The following ZFYVE19 variants were observed in gnomAD, a reference collection of about 807,000 sequenced individuals.
ZFYVE19 encodes the protein abscission/NoCut checkpoint regulator.
ZFYVE19 carries 49 observed loss-of-function variants against 62.8 expected under a neutral mutation model. The ratio of observed to expected loss-of-function variants is 0.78; its 90% CI spans 0.62 to 0.99. The LOEUF is 0.99. Among genes scored for constraint, ZFYVE19 ranks in the 50% least tolerant of loss-of-function variants. ZFYVE19 has a pLI of 0.00. For missense variants in ZFYVE19, 630 were observed against 601.9 expected (o/e 1.05, Z -0.49); for synonymous variants, 242 against 234.3 (o/e 1.03, Z -0.30).
chr15:40,809,724 A>G, intron 3 of ZFYVE19, 128 bp from the exon 4 acceptor site: 2 of 1,055,764 alleles, frequency 1.9e-6, no homozygotes, highest in East Asian at 2.4e-5. Context: ...TGAGGGGCAC[A>G]GCAGATTGCC....
rs369912058 is a variant in ZFYVE19 at position 40,807,509 on chromosome 15, G to A, written c.-81G>A. On this transcript the variant is annotated 5_prime_UTR_variant, in exon 1 of 11. Coordinates refer to ENST00000355341, the MANE Select transcript of ZFYVE19 (RefSeq NM_001077268.2). Reference sequence around the variant, plus strand: ...AGTCTAAGCGCGCGTGAGGACTGCAGGCTCCGAGCGGCGCCTAGCCCTCTG... The same window carrying A: ...AGTCTAAGCGCGCGTGAGGACTGCAAGCTCCGAGCGGCGCCTAGCCCTCTG... 1.5e-4 allele frequency: 249 copies of A among 1,608,702 alleles called. No homozygotes were observed. The highest frequency in any genetic ancestry group is 2.0e-4 in the Non-Finnish European group (235 of 1,176,224).
At position 40,808,316 on chromosome 15, in the gene ZFYVE19, A is replaced by G. The variant is rs1482730982; in HGVS notation, c.279+448A>G. ...CACTTCCTCCTGCTTCCGGGGCACC[A>G]TGGTGAAGGCTGACTGTCCTGTCCC... On this transcript the variant is annotated intron_variant, in intron 1 of 10. Coordinates refer to ENST00000355341, the MANE Select transcript of ZFYVE19 (RefSeq NM_001077268.2). 6 of 1,597,812 alleles carry G rather than the reference A, an allele frequency of 3.8e-6. No individual in the cohort carries two copies. The African/African-American group carries it at 4.0e-5, about 11-fold the overall frequency.
Position 40,813,963 on chromosome 15 carries a change from G to A in ZFYVE19, c.1230G>A (p.Arg410=), listed in dbSNP as rs753589900. The change falls in exon 10 of 11, where the codon AGG becomes AGA. Residue 410 remains arginine, a synonymous_variant. Coordinates refer to ENST00000355341, the MANE Select transcript of ZFYVE19 (RefSeq NM_001077268.2). The stretch of plus-strand genomic sequence containing the variant: ...TGAAGGCCCAGGATGTGGACCCCAG[G>A]CCTGAGGCTGAGGAAGAGGAGCTCC... The part of the protein sequence containing the change: ...AEPEAQDVDP[R]PEAEEEELPW... 13 of 1,611,848 alleles carry A rather than the reference G, an allele frequency of 8.1e-6. No individual in the cohort carries two copies. The highest frequency in any genetic ancestry group is 1.3e-5 in the African/African-American group (1 of 74,910).
At position 40,807,787 on chromosome 15, in the gene ZFYVE19, T is replaced by C; in HGVS notation, c.198T>C (p.Ser66=). Residue 66 remains serine, a synonymous_variant, in exon 1 of 11, where the codon TCT becomes TCC. Transcript: ENST00000355341. ...GACTTGGCCGGCGTGATCTCAGCTC[T>C]GCAGACCCTGCGGTGCTGGGAGCCA... ...GPGLGRRDLS[S]ADPAVLGATM... 6.4e-7 allele frequency: 1 copy of C among 1,571,446 alleles called. No individual in the cohort carries two copies. Among genetic ancestry groups the C allele is most frequent in the South Asian group, 1.2e-5 (1 of 86,434 alleles).
chr15:40,809,059 C>G, intron 1 of ZFYVE19, 60 bp from the exon 2 acceptor site: 1 of 1,600,524 alleles, frequency 6.2e-7, no homozygotes, highest in African/African-American at 1.3e-5. Flanking sequence ...TTGGAGAGTC[C>G]CTGGGAGCAG....
intron 3 of ZFYVE19, 25 bp downstream of exon 3, chr15:40,809,483 A>G (rs1252969303): frequency 1.2e-6 from 2 of 1,613,412 alleles, no homozygotes; most frequent in Non-Finnish European, 1.7e-6. Flanking sequence ...GAAAAAGACA[A>G]AGAGCATTGG....
chr15:40,809,863 C>T lies in ZFYVE19; in HGVS notation c.464C>T (p.Ala155Val). Residue 155 changes from alanine to valine, a missense_variant, in exon 4 of 11, where the codon GCC becomes GTC. Physicochemically the swap from Ala to Val is moderately conservative, Grantham distance 64 (BLOSUM62 0). Transcript: ENST00000355341. The stretch of plus-strand genomic sequence containing the variant: ...TCATATCCTGCCAGGCGTGTGGCAG[C>T]CTTGGAAGCCAAGCAAAAGCCCAGC... ...PPQNYKKRVA[A>V]LEAKQKPSTS... 2 of 1,614,194 alleles carry T rather than the reference C, an allele frequency of 1.2e-6. No individual in the cohort carries two copies. The highest frequency in any genetic ancestry group is 1.7e-6 in the Non-Finnish European group (2 of 1,180,034).
At position 40,807,327 on chromosome 15, in the gene ZFYVE19, G is replaced by T; in HGVS notation, c.-263G>T. 4 of 1,614,216 alleles carry T rather than the reference G, an allele frequency of 2.5e-6. No homozygotes were observed. The highest frequency in any genetic ancestry group is 1.1e-5 in the South Asian group (1 of 91,084). The stretch of plus-strand genomic sequence containing the variant: ...CCGAGGCGCTAGGACAGGAAGGACC[G>T]CCAGACCTCTCAAGATCAGCCTTCC... On this transcript the variant is annotated 5_prime_UTR_variant, in exon 1 of 11. Coordinates refer to ENST00000355341, the MANE Select transcript of ZFYVE19 (RefSeq NM_001077268.2).
rs557912109 is a variant in ZFYVE19, at chr15:40,813,375, C to T, written c.1068C>T (p.Asp356=). 33 of 1,612,352 alleles carry T rather than the reference C, an allele frequency of 2.0e-5. 1 individual carries two copies. Among genetic ancestry groups the T allele is most frequent in the African/African-American group, 1.3e-4 (10 of 75,000 alleles). ...LQDYRLPDSD[D]DEDEETAIQR... The stretch of plus-strand genomic sequence containing the variant: ...ACTATCGCCTCCCAGACAGTGATGA[C>T]GACGAGGATGAGGAGACAGCCATCC... Residue 356 remains aspartate, a synonymous_variant, in exon 8 of 11, where the codon GAC becomes GAT. Coordinates refer to ENST00000355341, the MANE Select transcript of ZFYVE19 (RefSeq NM_001077268.2).
rs117286655 is a variant in ZFYVE19 at position 40,814,525 on chromosome 15, C to G, written c.*299C>G. 961 of 471,304 alleles carry G rather than the reference C, an allele frequency of 2.0e-3. 13 individuals carry two copies. The East Asian group carries it at 0.029, about 14-fold the overall frequency. The allele number at this position is 471,304 out of a possible 1,614,324, so 29.2% of individuals were successfully genotyped here. On this transcript the variant is annotated 3_prime_UTR_variant, in exon 11 of 11. Transcript: ENST00000355341. Reference sequence around the variant, plus strand: ...ACCTGGCTCTAGGGCACAGGCCCCTCCCCTGGCACTTAGTGGGTCTAATAA... The same window carrying G: ...ACCTGGCTCTAGGGCACAGGCCCCTGCCCTGGCACTTAGTGGGTCTAATAA...
chr15:40,811,664 T>C (rs2412567), intron 6 of ZFYVE19, among the ~76,000 whole-genome samples: 56,576 of 152,002 alleles, frequency 0.37, 10,762 homozygotes, highest in South Asian at 0.46. Flanking sequence ...TAGCTTGAGC[T>C]GGGGAATTTA....
chr15:40,807,756 G>T lies in ZFYVE19; in HGVS notation c.167G>T (p.Gly56Val), dbSNP rs1478168285. The change falls in exon 1 of 11, where the codon GGC becomes GTC. Residue 56 changes from glycine to valine, a missense_variant. Transcript: ENST00000355341. ...EGRSWGEGPR[G>V]PGLGRRDLSS... is the part of the protein sequence containing the mutation. ...CGGAGCTGGGGTGAGGGTCCAAGGGGCCCAGGACTTGGCCGGCGTGATCTC... is the reference window on the plus strand; with the variant it reads ...CGGAGCTGGGGTGAGGGTCCAAGGGTCCCAGGACTTGGCCGGCGTGATCTC... 39 of 1,588,832 alleles carry T rather than the reference G, an allele frequency of 2.5e-5. No homozygotes were observed. The highest frequency in any genetic ancestry group is 3.0e-5 in the Non-Finnish European group (35 of 1,171,190).
In ZFYVE19 at chr15:40,814,344, C is replaced by G; in HGVS notation, c.*118C>G. The G allele has an allele frequency of 8.9e-7, 1 of 1,124,906 alleles. No individual in the cohort carries two copies. The highest frequency in any genetic ancestry group is 2.6e-5 in the East Asian group (1 of 39,066). The allele number at this position is 1,124,906 out of a possible 1,614,324, so 69.7% of individuals were successfully genotyped here. A position where few individuals can be genotyped will look rare whatever the true frequency, so the allele number is the denominator to read the frequency against. ...GGCTCTACTGATGATGGATAGGCCC[C>G]TTCCTGAGCCTTGGTGTCCCTGGAA... On this transcript the variant is annotated 3_prime_UTR_variant, in exon 11 of 11. Transcript: ENST00000355341.
chr15:40,810,827 C>A, intron 6 of ZFYVE19, 70 bp downstream of exon 6: 1 of 1,530,272 alleles, frequency 6.5e-7, no homozygotes, highest in South Asian at 1.2e-5. Flanking sequence ...GCTCTGCTGT[C>A]CACCCTCTGG....
In ZFYVE19 at chr15:40,813,432, C is replaced by T. The variant is rs200295225; in HGVS notation, c.1110+15C>T. On this transcript the variant is annotated intron_variant, in intron 8 of 10. Coordinates refer to ENST00000355341, the MANE Select transcript of ZFYVE19 (RefSeq NM_001077268.2). The stretch of plus-strand genomic sequence containing the variant: ...TCCTGCAGCAGGTGGGCCTGGATTA[C>T]CCACCTGCCACCCCTTGTCCCGTCT... 1 of 1,589,778 alleles carries T rather than the reference C, an allele frequency of 6.3e-7. No individual in the cohort carries two copies.
rs372461766 is a variant in ZFYVE19 at position 40,810,729 on chromosome 15, C to G, written c.798C>G (p.Ile266Met). 4 of 1,567,426 alleles carry G rather than the reference C, an allele frequency of 2.6e-6. No individual in the cohort carries two copies. The African/African-American group carries it at 5.4e-5, about 21-fold the overall frequency. ...CGCAGCTGGCAGCTGAGGTGGCTAT[C>G]GATGAAAGCTGGAAAGGAGGAGGCC... ...LLTQLAAEVA[I>M]DESWKGGGPA... Residue 266 changes from isoleucine (I) to methionine (M), a missense_variant, in exon 6 of 11, where the codon ATC becomes ATG. By Grantham distance (10) the Ile-to-Met change is conservative (BLOSUM62 1). Coordinates refer to ENST00000355341, the MANE Select transcript of ZFYVE19 (RefSeq NM_001077268.2).
Position 40,814,244 on chromosome 15 carries a change from CG to C in ZFYVE19, c.*20del. The C allele has an allele frequency of 6.2e-7, 1 of 1,613,754 alleles. No individual in the cohort carries two copies. Among genetic ancestry groups the C allele is most frequent in the Non-Finnish European group, 8.5e-7 (1 of 1,179,952 alleles). ...AGCACTGAAGACACCCTGGTCCTCC[CG>C]GAAGGGCAGTCCCACAGGCAGCGGC... On this transcript the variant is annotated 3_prime_UTR_variant, in exon 11 of 11. Coordinates refer to ENST00000355341, the MANE Select transcript of ZFYVE19 (RefSeq NM_001077268.2).
intron 3 of ZFYVE19, 100 bp from the exon 4 acceptor site, chr15:40,809,752 A>G (rs1596114286): frequency 7.5e-7 from 1 of 1,338,122 alleles, no homozygotes; most frequent in Non-Finnish European, 1.1e-6. Context: ...GGCCTCCCTA[A>G]GTGCCCAGAA....
At position 40,813,952 on chromosome 15, in the gene ZFYVE19, G is replaced by A. The variant is rs1041179718; in HGVS notation, c.1219G>A (p.Val407Met). 6.2e-7 allele frequency: 1 copy of A among 1,609,008 alleles called. No homozygotes were observed. The highest frequency in any genetic ancestry group is 8.5e-7 in the Non-Finnish European group (1 of 1,177,246). Residue 407 changes from valine (V) to methionine (M), a missense_variant, in exon 10 of 11, where the codon GTG (valine) becomes ATG (methionine). Physicochemically the swap from Val to Met is conservative, Grantham distance 21 (BLOSUM62 1). Transcript: ENST00000355341. ...PRGAEPEAQD[V>M]DPRPEAEEEE... The stretch of plus-strand genomic sequence containing the variant: ...TCTCTGATCCCTGAAGGCCCAGGAT[G>A]TGGACCCCAGGCCTGAGGCTGAGGA...
Sources: gnomAD v4.1 joint callset for allele counts (sites outside exome capture counted in the v4.1 genomes callset) on GRCh38, gnomAD v4.1.1 for gene constraint, MANE v1.5 for transcripts, NCBI Gene and HGNC (gene_info 2026-07-23, HGNC 2026-07-21) for gene names.